TMEFF2: variants seen among roughly 807,000 people sequenced by gnomAD.
TMEFF2 encodes tomoregulin-2.
Under a neutral mutation model 53.8 loss-of-function variants are expected in TMEFF2, and 28 were observed. That is an observed-to-expected ratio of 0.52 (90% CI 0.39 to 0.71). The LOEUF (loss-of-function observed/expected upper bound fraction) is 0.71, where lower values mean the gene tolerates loss of function less well. TMEFF2 is among the 30% of genes least tolerant of loss of function. The pLI is 0.00. For synonymous variants in TMEFF2, 162 were observed against 166.3 expected, an observed-to-expected ratio of 0.97 and a Z score of 0.20; for missense variants, 353 against 455.2, an observed-to-expected ratio of 0.78 and a Z score of 2.04.
chr2:192,168,625 C>T (rs1690828963), intron 4 of TMEFF2, among the ~76,000 whole-genome samples: 1 of 152,020 alleles, frequency 6.6e-6, no homozygotes, highest in Non-Finnish European at 1.5e-5. Context: ...TTTTGCTAGG[C>T]TCCTCCTGGC....
At chr2:192,052,300 T>A (rs1687790757) in intron 5 of TMEFF2, among the ~76,000 whole-genome samples, 1 of 152,218 alleles carries the variant, frequency 6.6e-6, no homozygotes, top group African/African-American at 2.4e-5. Flanking sequence ...GCCATTCCTA[T>A]GGTCAGACCC....
At chr2:192,012,101 C>T (rs1349643147) in intron 5 of TMEFF2, among the ~76,000 whole-genome samples, 1 of 152,120 alleles carries the variant, frequency 6.6e-6, no homozygotes, top group Non-Finnish European at 1.5e-5. Flanking sequence ...GACCAGGGTT[C>T]ACTGTGTTAG....
intron 4 of TMEFF2, among the ~76,000 whole-genome samples, chr2:192,079,596 G>A (rs1351758906): frequency 2.6e-5 from 4 of 152,150 alleles, no homozygotes; most frequent in African/African-American, 7.2e-5. Flanking sequence ...GTGGTACTAT[G>A]TATTGTTGTT....
In TMEFF2 at chr2:192,069,454, G is replaced by A. The variant is rs574116832; in HGVS notation, c.440-11679C>T. On this transcript the variant is annotated intron_variant, in intron 4 of 9. Transcript: ENST00000272771. ...ATCCTCAAACATTTAAGGACAGGAAGGTCAGATTTATTTGATTTCAGGTAT... is the reference window on the plus strand; with the variant it reads ...ATCCTCAAACATTTAAGGACAGGAAAGTCAGATTTATTTGATTTCAGGTAT... Among the ~76,000 whole-genome samples the A allele has an allele frequency of 4.0e-5, 6 of 151,422 alleles. No individual in the cohort carries two copies. In the East Asian group the frequency reaches 1.2e-3, roughly 30 times the overall value.
In TMEFF2 at chr2:191,998,306, G is replaced by A; in HGVS notation, c.701C>T (p.Thr234Ile). Reference sequence around the variant, plus strand: ...ATAATGCCCATCTTCAGACTTAGTAGTTGTAGTTGTGTTATCTGTGTTAAA... The same window carrying A: ...ATAATGCCCATCTTCAGACTTAGTAATTGTAGTTGTGTTATCTGTGTTAAA... Reference protein sequence around the residue: ...LGRCQDNTTTTTKSEDGHYAR... With the variant: ...LGRCQDNTTTITKSEDGHYAR... The change falls in exon 7 of 10, where the codon ACT (threonine) becomes ATT (isoleucine). Residue 234 changes from threonine (T) to isoleucine (I), a missense_variant. By Grantham distance (89) the Thr-to-Ile change is moderately conservative. Transcript: ENST00000272771. 1 of 1,597,886 alleles carries A rather than the reference G, an allele frequency of 6.3e-7. No individual in the cohort carries two copies. Among genetic ancestry groups the A allele is most frequent in the East Asian group, 2.3e-5 (1 of 43,856 alleles).
intron 4 of TMEFF2, among the ~76,000 whole-genome samples, chr2:192,075,332 T>TATACATACACAC (rs796267672): frequency 1.1e-5 from 1 of 88,148 alleles, no homozygotes; most frequent in African/African-American, 4.1e-5. Flanking sequence ...TATATATATA[T>TATACATACACAC]ACATACATAC....
rs114830858 is a variant in TMEFF2 at position 191,971,586 on chromosome 2, C to T, written c.746-15208G>A. ...GTGTGACTATATAGCCCCCTGGATC[C>T]AGAGAAGGTAACAAACATGTTTTCT... On this transcript the variant is annotated intron_variant, in intron 7 of 9. Transcript: ENST00000272771. Among the ~76,000 whole-genome samples, 1,358 of 152,242 alleles carry T rather than the reference C, an allele frequency of 8.9e-3. 13 individuals are homozygous for T. Among genetic ancestry groups the T allele is most frequent in the African/African-American group, 0.03 (1,247 of 41,530 alleles).
intron 7 of TMEFF2, among the ~76,000 whole-genome samples, chr2:191,966,049 T>C (rs900057416): frequency 1.3e-5 from 2 of 151,664 alleles, no homozygotes; most frequent in Non-Finnish European, 2.9e-5. Context: ...CACAAGATGA[T>C]GAATACATAG....
In TMEFF2 at chr2:192,194,054, A is replaced by G. The variant is rs1421097466; in HGVS notation, c.172+299T>C. Among the ~76,000 whole-genome samples the G allele has an allele frequency of 1.3e-5, 2 of 152,200 alleles. No homozygotes were observed. Among genetic ancestry groups the G allele is most frequent in the Non-Finnish European group, 2.9e-5 (2 of 68,038 alleles). On this transcript the variant is annotated intron_variant, in intron 1 of 9. Transcript: ENST00000272771. The surrounding 1 kb of genome is among the most constrained non-coding windows in gnomAD (Gnocchi z 4.2). ...CCTAGGATTGGTGCTCTTTCAAAAC[A>G]GTGAACCCAGAAAACCATCCCGTTT...
At chr2:192,168,777 C>T (rs572860501) in intron 4 of TMEFF2, among the ~76,000 whole-genome samples, 71 of 152,040 alleles carry the variant, frequency 4.7e-4, no homozygotes, top group East Asian at 3.1e-3. Context: ...TGGCAGCATG[C>T]GAATGTGAGT....
At chr2:191,982,319 G>A (rs1236596888) in intron 7 of TMEFF2, among the ~76,000 whole-genome samples, 1 of 152,030 alleles carries the variant, frequency 6.6e-6, no homozygotes, top group African/African-American at 2.4e-5. Flanking sequence ...AAAGACTCAC[G>A]GAGGTTATGG....
Position 192,036,466 on chromosome 2 carries a change from G to A in TMEFF2, c.536+21213C>T, listed in dbSNP as rs530048554. 4.6e-5 allele frequency: 7 copies of A among 152,364 alleles called. No individual in the cohort carries two copies. In the East Asian group the frequency reaches 1.2e-3, roughly 25 times the overall value. 9.4% of individuals were successfully genotyped at this position (152,364 alleles called of 1,614,324 possible). ...TGATATGGAAAGAGAAGGGGATGAT[G>A]ATGATATTCTGGAATGGTCGTGCAA... On this transcript the variant is annotated intron_variant, in intron 5 of 9. Coordinates refer to ENST00000272771, the MANE Select transcript of TMEFF2 (RefSeq NM_016192.4).
intron 7 of TMEFF2, chr2:191,992,621 G>T (rs1239413978): frequency 6.6e-6 from 1 of 151,946 alleles, no homozygotes; most frequent in African/African-American, 2.4e-5. Context: ...GTGAATCTTA[G>T]TAAAGCTATG....
intron 4 of TMEFF2, among the ~76,000 whole-genome samples, chr2:192,074,022 C>G (rs1248124806): frequency 1.3e-5 from 2 of 151,944 alleles, no homozygotes; most frequent in African/African-American, 2.4e-5. Flanking sequence ...GCATAACTCT[C>G]TGATGGTTCA....
intron 5 of TMEFF2, among the ~76,000 whole-genome samples, chr2:192,055,494 G>T (rs1489829623): frequency 6.6e-6 from 1 of 152,008 alleles, no homozygotes; most frequent in African/African-American, 2.4e-5. Context: ...ACATTTGTTG[G>T]CTGGGCGTGG....
chr2:192,062,468 T>C (rs1043484303), intron 4 of TMEFF2, among the ~76,000 whole-genome samples: 3 of 152,172 alleles, frequency 2.0e-5, no homozygotes, highest in African/African-American at 7.2e-5. Context: ...ATAAAGCTGC[T>C]GTACAAATCC....
intron 3 of TMEFF2, among the ~76,000 whole-genome samples, chr2:192,181,849 G>A (rs1691193292): frequency 6.6e-6 from 1 of 151,722 alleles, no homozygotes; most frequent in South Asian, 2.1e-4. Context: ...AGAAGGAATA[G>A]TTTAGAAAAA....
Position 192,187,897 on chromosome 2 carries a change from T to G in TMEFF2, c.283-3414A>C, listed in dbSNP as rs1041023667. On this transcript the variant is annotated intron_variant, in intron 2 of 9. Coordinates refer to ENST00000272771, the MANE Select transcript of TMEFF2 (RefSeq NM_016192.4). ...TCATGGGATTTATTGCTTGTTTGAT[T>G]AATACAGGTTTTTTGAGCTGAGATT... Among the ~76,000 whole-genome samples, 8 of 152,300 alleles carry G rather than the reference T, an allele frequency of 5.3e-5. No homozygotes were observed. In the East Asian group the frequency reaches 1.5e-3, roughly 29 times the overall value.
chr2:192,072,646 T>C (rs1032411844), intron 4 of TMEFF2, among the ~76,000 whole-genome samples: 6 of 151,914 alleles, frequency 3.9e-5, no homozygotes, highest in Non-Finnish European at 2.9e-5. Context: ...TGAAACGAAA[T>C]ACTTAAAACT....
Sources: gnomAD v4.1 joint callset for allele counts (sites outside exome capture counted in the v4.1 genomes callset) on GRCh38, gnomAD v4.1.1 for gene constraint, Gnocchi (gnomAD v3.1) non-coding constraint, MANE v1.5 for transcripts, NCBI Gene and HGNC (gene_info 2026-07-23, HGNC 2026-07-21) for gene names.